NLGN1: variants seen among roughly 807,000 people sequenced by gnomAD.
NLGN1 encodes neuroligin 1.
A neutral mutation model predicts 65.5 loss-of-function variants in NLGN1; 12 were observed. That is an observed-to-expected ratio of 0.18 (90% CI 0.12 to 0.30). NLGN1 has a LOEUF of 0.30. Ranked by LOEUF, NLGN1 falls within the 10% of genes least tolerant of loss-of-function variation. NLGN1 has a pLI of 1.00. For missense variants in NLGN1, 750 were observed against 1,007.1 expected (o/e 0.74, Z 3.46); for synonymous variants, 350 against 359.5 (o/e 0.97, Z 0.30).
At chr3:173,830,020 G>C (rs897932254) in intron 4 of NLGN1, among the ~76,000 whole-genome samples, 1 of 145,174 alleles carries the variant, frequency 6.9e-6, no homozygotes, top group Non-Finnish European at 1.5e-5. Flanking sequence ...GGGGGGGAGG[G>C]AGAGAATAAA....
chr3:173,986,241 G>A (rs1370778532), intron 4 of NLGN1, among the ~76,000 whole-genome samples: 7 of 151,970 alleles, frequency 4.6e-5, no homozygotes, highest in Non-Finnish European at 7.4e-5. Context: ...GGCCAAGGTG[G>A]GCGGATCACG....
At chr3:173,894,824 A>AC (rs1343017686) in intron 4 of NLGN1, among the ~76,000 whole-genome samples, 4 of 152,014 alleles carry the variant, frequency 2.6e-5, no homozygotes, top group African/African-American at 9.7e-5. Context: ...TTTAGTAGAG[A>AC]CAGGGTTTCA....
chr3:173,653,843 T>C (rs947262202), intron 3 of NLGN1, among the ~76,000 whole-genome samples: 2 of 152,050 alleles, frequency 1.3e-5, no homozygotes, highest in Non-Finnish European at 2.9e-5. Context: ...ACTGAGGAAG[T>C]TCCTTTCTAG....
intron 2 of NLGN1, among the ~76,000 whole-genome samples, chr3:173,437,565 C>T (rs1052664370): frequency 1.3e-5 from 2 of 152,190 alleles, no homozygotes; most frequent in African/African-American, 4.8e-5. Flanking sequence ...TGGTACTTGT[C>T]TTGGAGCTGG....
exon 7 of NLGN1, chr3:174,281,346 A>G (rs774066175): frequency 2.5e-5 from 31 of 1,263,208 alleles, no homozygotes; most frequent in Non-Finnish European, 3.5e-5. Flanking sequence ...GGATTGCAGT[A>G]AACGATCACT....
At chr3:174,015,558 CAT>C (rs1726386396) in intron 4 of NLGN1, among the ~76,000 whole-genome samples, 1 of 152,158 alleles carries the variant, frequency 6.6e-6, no homozygotes. Context: ...ATGACTTCAA[CAT>C]ATGAATGTTG....
chr3:173,881,302 T>C (rs1407832612), intron 4 of NLGN1, among the ~76,000 whole-genome samples: 3 of 151,688 alleles, frequency 2.0e-5, no homozygotes, highest in South Asian at 2.1e-4. Context: ...GTTCACCATG[T>C]TGGCCAAGAT....
intron 1 of NLGN1, among the ~76,000 whole-genome samples, chr3:173,403,261 G>T (rs2148614153): frequency 6.6e-6 from 1 of 152,164 alleles, no homozygotes; most frequent in East Asian, 1.9e-4. Context: ...TATATTACAT[G>T]TCTAAATTAT....
chr3:173,531,988 A>C (rs772005693), intron 2 of NLGN1, among the ~76,000 whole-genome samples: 1 of 152,074 alleles, frequency 6.6e-6, no homozygotes, highest in Non-Finnish European at 1.5e-5. Context: ...TTCAACTCCT[A>C]CTATTACTAT....
chr3:173,694,965 A>G (rs1765997740), intron 3 of NLGN1, among the ~76,000 whole-genome samples: 1 of 152,194 alleles, frequency 6.6e-6, no homozygotes, highest in Admixed American at 6.5e-5. Context: ...TCATTAATAA[A>G]TTCTGCATTT....
At chr3:173,435,807 C>T (rs746853805) in intron 2 of NLGN1, among the ~76,000 whole-genome samples, 3 of 152,114 alleles carry the variant, frequency 2.0e-5, no homozygotes, top group Non-Finnish European at 4.4e-5. Flanking sequence ...TGCACTCCAT[C>T]CTGGGCAACA....
chr3:173,851,653 T>C (rs749929532), intron 4 of NLGN1, among the ~76,000 whole-genome samples: 1 of 152,158 alleles, frequency 6.6e-6, no homozygotes, highest in Non-Finnish European at 1.5e-5. Context: ...TTTGATAATA[T>C]TATCCCCTTG....
chr3:174,180,055 T>G (rs1294501018), intron 4 of NLGN1, among the ~76,000 whole-genome samples: 1 of 152,142 alleles, frequency 6.6e-6, no homozygotes, highest in Non-Finnish European at 1.5e-5. Context: ...ATAAAAGAGC[T>G]GTCAAGCACT....
At chr3:173,570,086 C>G (rs775271601) in intron 2 of NLGN1, among the ~76,000 whole-genome samples, 3 of 152,106 alleles carry the variant, frequency 2.0e-5, no homozygotes, top group African/African-American at 7.2e-5. Context: ...CCCAACCTAT[C>G]TTGGGAGTGG....
At chr3:174,227,201 C>T (rs189598897) in intron 4 of NLGN1, among the ~76,000 whole-genome samples, 6 of 152,162 alleles carry the variant, frequency 3.9e-5, no homozygotes, top group Admixed American at 1.3e-4. Context: ...ATTACCTGTA[C>T]AGTTAGCTAA....
chr3:173,650,922 TTA>T (rs2149639959), intron 3 of NLGN1, among the ~76,000 whole-genome samples: 1 of 150,772 alleles, frequency 6.6e-6, no homozygotes, highest in African/African-American at 2.5e-5. Context: ...CCTTGCCTGT[TTA>T]TTTTTTTTTT....
chr3:173,658,646 T>C (rs1206712269), intron 3 of NLGN1, among the ~76,000 whole-genome samples: 1 of 152,008 alleles, frequency 6.6e-6, no homozygotes, highest in Non-Finnish European at 1.5e-5. Context: ...TTCTTGCTAC[T>C]TTGCTTTGGT....
chr3:174,025,780 C>A (rs1282233009), intron 4 of NLGN1, among the ~76,000 whole-genome samples: 1 of 152,160 alleles, frequency 6.6e-6, no homozygotes, highest in Non-Finnish European at 1.5e-5. Flanking sequence ...ATTAGCTATT[C>A]CGGAAATGAT....
At chr3:173,451,471 A>G (rs529335459) in intron 2 of NLGN1, among the ~76,000 whole-genome samples, 3 of 152,182 alleles carry the variant, frequency 2.0e-5, no homozygotes, top group South Asian at 4.2e-4. Context: ...TCCGCCCCTA[A>G]TGGGGGGTGC....
Sources: gnomAD v4.1 joint callset for allele counts (sites outside exome capture counted in the v4.1 genomes callset) on GRCh38, gnomAD v4.1.1 for gene constraint, MANE v1.5 for transcripts, NCBI Gene and HGNC (gene_info 2026-07-23, HGNC 2026-07-21) for gene names.